KANSL1: variants seen among roughly 807,000 people sequenced by gnomAD.
KANSL1 encodes the protein MLL1/MLL complex subunit KANSL1.
In KANSL1, 22 loss-of-function variants were observed where a neutral mutation model predicts 103.6. The observed-to-expected ratio is 0.21, with a 90% CI of 0.15 to 0.30. The LOEUF (loss-of-function observed/expected upper bound fraction) is 0.30. KANSL1 is among the 10% of genes least tolerant of loss of function. The pLI is 1.00. For missense variants in KANSL1, 1,337 were observed against 1,399.8 expected, an observed-to-expected ratio of 0.96 and a Z score of 0.72; for synonymous variants, 600 against 527.6, an observed-to-expected ratio of 1.14 and a Z score of -1.88.
chr17:46,175,335 T>A (rs1392093633), intron 1 of KANSL1, among the ~76,000 whole-genome samples: 1 of 151,242 alleles, frequency 6.6e-6, no homozygotes, highest in African/African-American at 2.4e-5. Flanking sequence ...TGTGTGTGTG[T>A]GTGTGTGTGT....
At chr17:46,131,944 T>C (rs1406894987) in intron 2 of KANSL1, among the ~76,000 whole-genome samples, 1 of 151,256 alleles carries the variant, frequency 6.6e-6, no homozygotes, top group Non-Finnish European at 1.5e-5. Context: ...CTGGACAACA[T>C]GGTGAAACTC....
chr17:46,143,430 G>T (rs575613091), intron 2 of KANSL1, among the ~76,000 whole-genome samples: 1 of 151,912 alleles, frequency 6.6e-6, no homozygotes, highest in Non-Finnish European at 1.5e-5. Context: ...CGAGACAGAG[G>T]TTGCAGTGAG....
At chr17:46,156,678 G>C (rs2045447167) in intron 2 of KANSL1, 1 of 152,286 alleles carries the variant, frequency 6.6e-6, no homozygotes, top group Non-Finnish European at 1.5e-5. Flanking sequence ...CCGGGCTCAA[G>C]GGATCCTCCC....
intron 1 of KANSL1, among the ~76,000 whole-genome samples, chr17:46,185,654 A>AAC (rs1216651587): frequency 7.0e-6 from 1 of 142,546 alleles, no homozygotes; most frequent in Non-Finnish European, 1.6e-5. Flanking sequence ...GATCCCATTA[A>AAC]ACATATATAT....
chr17:46,039,471 T>C, intron 8 of KANSL1: 1 of 610,584 alleles, frequency 1.6e-6, no homozygotes, highest in Non-Finnish European at 2.8e-6. Flanking sequence ...CATTGCTGGC[T>C]GTTCACTGAG....
intron 2 of KANSL1, among the ~76,000 whole-genome samples, chr17:46,120,861 C>T (rs1464003108): frequency 6.6e-6 from 1 of 152,178 alleles, no homozygotes; most frequent in Non-Finnish European, 1.5e-5. Flanking sequence ...AAAAATACAG[C>T]TAGATTCAAA....
At chr17:46,135,695 CTTTTT>C (rs35094789) in intron 2 of KANSL1, among the ~76,000 whole-genome samples, 10 of 84,428 alleles carry the variant, frequency 1.2e-4, no homozygotes, top group Admixed American at 2.7e-4. Context: ...CCATGCCTGG[CTTTTT>C]TTTTTTTTTT....
At chr17:46,096,311 C>CTTTTTTTTCTTTTTTTTTTTTTTT (rs2042069609) in intron 2 of KANSL1, among the ~76,000 whole-genome samples, 1 of 76,408 alleles carries the variant, frequency 1.3e-5, no homozygotes, top group African/African-American at 5.6e-5. Context: ...GCTTTTTTTT[C>CTTTTTTTTCTTTTTTTTTTTTTTT]TTTTTTTTTT....
intron 2 of KANSL1, among the ~76,000 whole-genome samples, chr17:46,129,089 G>GA (rs113869018): frequency 0.14 from 21,794 of 151,000 alleles, 2,120 homozygotes; most frequent in Non-Finnish European, 0.22. Context: ...GAGATGAAAA[G>GA]AAAAAAAAAT....
rs565925378 is a variant in KANSL1 at position 46,174,272 on chromosome 17, C to A, written c.-89-2040G>T. Among the ~76,000 whole-genome samples the A allele has an allele frequency of 4.6e-5, 7 of 152,260 alleles. No homozygotes were observed. In the South Asian group the frequency reaches 1.4e-3, roughly 32 times the overall value. ...TGATCTCAGCTCACTGTAACCTCTG[C>A]CTCCTGGGTTCAAGTGATTCTCCTG... On this transcript the variant is annotated intron_variant, in intron 1 of 14. Coordinates refer to ENST00000432791, the MANE Select transcript of KANSL1 (RefSeq NM_015443.4).
intron 2 of KANSL1, among the ~76,000 whole-genome samples, chr17:46,108,389 C>T (rs1413852396): frequency 2.6e-5 from 4 of 152,226 alleles, no homozygotes; most frequent in African/African-American, 9.6e-5. Flanking sequence ...CCTTACATGA[C>T]ACTTTATTAA....
chr17:46,085,422 T>C (rs149437035), intron 3 of KANSL1, among the ~76,000 whole-genome samples: 1 of 152,194 alleles, frequency 6.6e-6, no homozygotes, highest in Non-Finnish European at 1.5e-5. Flanking sequence ...TTACTTTCTG[T>C]GTATTTAAAT....
At chr17:46,032,452 T>C in intron 13 of KANSL1, 153 bp from the exon 14 acceptor site, 1 of 597,902 alleles carries the variant, frequency 1.7e-6, no homozygotes. Flanking sequence ...CTTCCCACTA[T>C]TCTCTGGAGG....
At chr17:46,119,829 C>T (rs1365146604) in intron 2 of KANSL1, 1 of 152,236 alleles carries the variant, frequency 6.6e-6, no homozygotes, top group African/African-American at 2.4e-5. Context: ...CCTAAATGTC[C>T]TTATTCACCC....
chr17:46,050,083 T>G, intron 7 of KANSL1: 1 of 154,762 alleles, frequency 6.5e-6, no homozygotes, highest in Non-Finnish European at 1.4e-5. Context: ...GACTGGCTAA[T>G]TTTTTATATT....
At chr17:46,143,686 C>T (rs1200635935) in intron 2 of KANSL1, among the ~76,000 whole-genome samples, 6 of 150,958 alleles carry the variant, frequency 4.0e-5, no homozygotes, top group Admixed American at 1.3e-4. Flanking sequence ...CGCCTGTAGT[C>T]CCAGCTACTC....
upstream of KANSL1, among the ~76,000 whole-genome samples, chr17:46,194,550 G>C (rs1183025556): frequency 1.3e-5 from 2 of 152,218 alleles, no homozygotes; most frequent in African/African-American, 2.4e-5. Flanking sequence ...CACACAAAGT[G>C]TAATTCTACC....
At chr17:46,166,640 C>T (rs141322990) in intron 2 of KANSL1, among the ~76,000 whole-genome samples, 338 of 152,182 alleles carry the variant, frequency 2.2e-3, no homozygotes, top group Non-Finnish European at 3.6e-3. Flanking sequence ...TGATCTGAAA[C>T]AGACTTCAGG....
chr17:46,158,836 C>A (rs981461358), intron 2 of KANSL1, among the ~76,000 whole-genome samples: 3 of 152,186 alleles, frequency 2.0e-5, no homozygotes, highest in Non-Finnish European at 4.4e-5. Context: ...CCACCACACC[C>A]GGCCAAGAGA....
Sources: gnomAD v4.1 joint callset for allele counts (sites outside exome capture counted in the v4.1 genomes callset) on GRCh38, gnomAD v4.1.1 for gene constraint, MANE v1.5 for transcripts, NCBI Gene and HGNC (gene_info 2026-07-23, HGNC 2026-07-21) for gene names.